RAD51B: variants seen among roughly 807,000 people sequenced by gnomAD.
The protein encoded by RAD51B is RAD51 paralog B.
In RAD51B, 38 loss-of-function variants were observed where a neutral mutation model predicts 42.2. The ratio of observed to expected loss-of-function variants is 0.90; its 90% CI spans 0.70 to 1.18. RAD51B has a LOEUF of 1.18. RAD51B is among the 50% of genes most tolerant of loss of function. RAD51B has a pLI of 0.00. For missense variants in RAD51B, 373 were observed against 400.7 expected (o/e 0.93, Z 0.59); for synonymous variants, 154 against 145.2 (o/e 1.06, Z -0.43).
chr14:67,976,465 TTTATTA>T (rs1224648751), intron 7 of RAD51B, among the ~76,000 whole-genome samples: 1 of 151,142 alleles, frequency 6.6e-6, no homozygotes, highest in Non-Finnish European at 1.5e-5. Flanking sequence ...TTTATATATT[TTTATTA>T]TTATTATACT....
chr14:67,959,551 C>G (rs1005572466), intron 7 of RAD51B, among the ~76,000 whole-genome samples: 1 of 152,026 alleles, frequency 6.6e-6, no homozygotes, highest in Non-Finnish European at 1.5e-5. Context: ...CCGGCCAATA[C>G]TTTCTTTTGA....
chr14:68,209,382 T>C (rs2079655836), intron 7 of RAD51B, among the ~76,000 whole-genome samples: 1 of 152,206 alleles, frequency 6.6e-6, no homozygotes, highest in East Asian at 1.9e-4. Flanking sequence ...CTAATTGTCC[T>C]TGCTGCAGCC....
At chr14:67,931,339 C>T (rs1026212851) in intron 7 of RAD51B, among the ~76,000 whole-genome samples, 1 of 151,980 alleles carries the variant, frequency 6.6e-6, no homozygotes, top group African/African-American at 2.4e-5. Context: ...TTCTTCAGTT[C>T]CAAAATTTTG....
At chr14:68,476,871 GAC>G (rs1308950766) in intron 10 of RAD51B, among the ~76,000 whole-genome samples, 1 of 152,218 alleles carries the variant, frequency 6.6e-6, no homozygotes. Context: ...TTGCATTGCA[GAC>G]ACAGCTCTTT....
At chr14:68,647,437 T>A (rs1241910058) in intron 10 of RAD51B, among the ~76,000 whole-genome samples, 1 of 152,218 alleles carries the variant, frequency 6.6e-6, no homozygotes, top group Non-Finnish European at 1.5e-5. Flanking sequence ...AAAGTAATAG[T>A]CTCTTCTTAT....
intron 7 of RAD51B, among the ~76,000 whole-genome samples, chr14:68,221,306 G>T (rs190678055): frequency 6.6e-6 from 1 of 152,230 alleles, no homozygotes; most frequent in African/African-American, 2.4e-5. Flanking sequence ...TAAGGGCATA[G>T]TCACCAAGAC....
intron 11 of RAD51B, among the ~76,000 whole-genome samples, chr14:68,658,141 G>A (rs1892855835): frequency 6.6e-6 from 1 of 152,236 alleles, no homozygotes; most frequent in African/African-American, 2.4e-5. Context: ...TGAAAAAGAG[G>A]GAGCTCTGGG....
At chr14:68,480,563 A>G (rs573367434), downstream of RAD51B, among the ~76,000 whole-genome samples, 5 of 152,278 alleles carry the variant, frequency 3.3e-5, no homozygotes, top group East Asian at 9.6e-4. Context: ...TAGAATTCTT[A>G]TCAAAGTCAG....
chr14:68,067,535 G>A (rs929959114), intron 7 of RAD51B, among the ~76,000 whole-genome samples: 5 of 150,908 alleles, frequency 3.3e-5, no homozygotes, highest in African/African-American at 9.7e-5. Context: ...TAAAGGAAAA[G>A]TATTGAAAAG....
At chr14:68,041,313 G>A (rs1044605338) in intron 7 of RAD51B, among the ~76,000 whole-genome samples, 15 of 152,070 alleles carry the variant, frequency 9.9e-5, no homozygotes, top group African/African-American at 3.4e-4. Flanking sequence ...CCCAGTCTCA[G>A]GTAGTTCTTT....
At chr14:67,989,449 A>G (rs1395651649) in intron 7 of RAD51B, among the ~76,000 whole-genome samples, 2 of 152,060 alleles carry the variant, frequency 1.3e-5, no homozygotes, top group Non-Finnish European at 2.9e-5. Flanking sequence ...CCAGCTGACC[A>G]ACATGGAGAA....
downstream of RAD51B, chr14:68,596,116 G>T: frequency 1.1e-6 from 1 of 897,754 alleles, no homozygotes; most frequent in Non-Finnish European, 1.4e-6. Context: ...AAATTCTTCA[G>T]CCCTTTCCAC....
intron 7 of RAD51B, among the ~76,000 whole-genome samples, chr14:67,924,603 C>T (rs1473938200): frequency 2.6e-5 from 4 of 152,148 alleles, no homozygotes; most frequent in South Asian, 4.1e-4. Context: ...GAGAAACTCC[C>T]GTTCTTAAAA....
At chr14:68,388,795 C>T (rs1228258249) in intron 8 of RAD51B, among the ~76,000 whole-genome samples, 1 of 152,164 alleles carries the variant, frequency 6.6e-6, no homozygotes, top group Non-Finnish European at 1.5e-5. Flanking sequence ...GTGCACCTCC[C>T]AGCGTGGCTG....
chr14:68,564,521 C>A (rs1318987837), intron 10 of RAD51B, among the ~76,000 whole-genome samples: 1 of 152,188 alleles, frequency 6.6e-6, no homozygotes, highest in Non-Finnish European at 1.5e-5. Context: ...GAGTGCAGGC[C>A]TGAGCGGGCA....
At chr14:68,639,773 T>A (rs1452522144) in intron 10 of RAD51B, among the ~76,000 whole-genome samples, 9 of 151,954 alleles carry the variant, frequency 5.9e-5, no homozygotes, top group Non-Finnish European at 1.5e-5. Context: ...TGTTTTGTTT[T>A]TTTTGTTGTT....
intron 3 of RAD51B, 66 bp from the exon 4 acceptor site, chr14:67,835,014 A>T: frequency 1.6e-6 from 2 of 1,224,424 alleles, no homozygotes; most frequent in South Asian, 2.6e-5. Flanking sequence ...TTAGAGAATT[A>T]AAGTTGGTTT....
Position 67,936,215 on chromosome 14 carries a change from A to G in RAD51B, c.756+49011A>G, listed in dbSNP as rs373361541. Among the ~76,000 whole-genome samples the G allele has an allele frequency of 1.1e-4, 16 of 152,312 alleles. 1 individual carries two copies. The highest frequency in any genetic ancestry group is 3.8e-4 in the African/African-American group (16 of 41,570). On this transcript the variant is annotated intron_variant, in intron 7 of 10. Coordinates refer to ENST00000471583, the MANE Select transcript of RAD51B (RefSeq NM_133510.4). ...TCCAAAACATTTCACCACCCCAAGA[A>G]GAAACCCTGTACCCAGTAGCAGCCA...
At chr14:68,077,316 T>G (rs2076849421) in intron 7 of RAD51B, among the ~76,000 whole-genome samples, 1 of 152,210 alleles carries the variant, frequency 6.6e-6, no homozygotes, top group Admixed American at 6.5e-5. Flanking sequence ...TGCTGGATGA[T>G]TGCCAGAATG....
Sources: allele counts gnomAD v4.1 joint callset (sites outside exome capture counted in the v4.1 genomes callset), GRCh38; gene constraint gnomAD v4.1.1; transcripts MANE v1.5; gene names NCBI Gene and HGNC (gene_info 2026-07-23, HGNC 2026-07-21).